SCFD2: variants seen among roughly 807,000 people sequenced by gnomAD.
SCFD2 encodes the protein sec1 family domain-containing protein 2.
Under a neutral mutation model 58.9 loss-of-function variants are expected in SCFD2, and 54 were observed. The ratio of observed to expected loss-of-function variants is 0.92; its 90% confidence interval spans 0.74 to 1.15. The LOEUF is 1.15. Ranked by LOEUF, SCFD2 falls within the 50% of genes most tolerant of loss-of-function variation. The probability of loss-of-function intolerance (pLI) is 0.00; values close to 1 mark genes in which losing one functional copy is unlikely to be tolerated. For synonymous variants in SCFD2, 321 were observed against 335.9 expected, an observed-to-expected ratio of 0.96 and a Z score of 0.49; for missense variants, 805 against 836.6, an observed-to-expected ratio of 0.96 and a Z score of 0.47.
intron 5 of SCFD2, among the ~76,000 whole-genome samples, chr4:53,011,463 A>G (rs1335459339): frequency 6.6e-6 from 1 of 152,220 alleles, no homozygotes; most frequent in Non-Finnish European, 1.5e-5. Flanking sequence ...AATATTAAAC[A>G]ACTACAGGGA....
intron 5 of SCFD2, among the ~76,000 whole-genome samples, chr4:53,136,185 C>T (rs528922719): frequency 3.9e-5 from 6 of 152,090 alleles, no homozygotes; most frequent in South Asian, 2.1e-4. Context: ...CCCAGGGATC[C>T]GTAAGCCAAA....
At chr4:53,100,811 AT>A (rs1724811698) in intron 5 of SCFD2, among the ~76,000 whole-genome samples, 1 of 152,296 alleles carries the variant, frequency 6.6e-6, no homozygotes, top group East Asian at 1.9e-4. Context: ...TTTTTAGTGA[AT>A]GTAGGATATA....
chr4:53,002,427 C>G (rs1287667324), intron 5 of SCFD2, among the ~76,000 whole-genome samples: 1 of 152,136 alleles, frequency 6.6e-6, no homozygotes, highest in African/African-American at 2.4e-5. Context: ...GGGTATCTTT[C>G]TTCCTACTAT....
intron 5 of SCFD2, among the ~76,000 whole-genome samples, chr4:53,089,896 T>C (rs1724422228): frequency 1.3e-5 from 2 of 152,168 alleles, no homozygotes; most frequent in Non-Finnish European, 1.5e-5. Context: ...TACAAACATA[T>C]TTCCCCTGCA....
intron 4 of SCFD2, among the ~76,000 whole-genome samples, chr4:53,194,258 G>T (rs890072831): frequency 5.3e-5 from 8 of 152,038 alleles, no homozygotes; most frequent in African/African-American, 1.9e-4. Flanking sequence ...AACGAATGCA[G>T]TTTTCTTTTC....
At chr4:53,250,514 T>G (rs186233319) in intron 4 of SCFD2, among the ~76,000 whole-genome samples, 112 of 152,196 alleles carry the variant, frequency 7.4e-4, no homozygotes, top group Middle Eastern at 6.8e-3. Flanking sequence ...CCTCAGCAAA[T>G]GTAAAAGAAC....
intron 5 of SCFD2, among the ~76,000 whole-genome samples, chr4:52,932,928 A>C (rs941664230): frequency 6.6e-6 from 1 of 152,154 alleles, no homozygotes; most frequent in African/African-American, 2.4e-5. Flanking sequence ...ATTAGTGTGT[A>C]GGTTAGGCAT....
rs1252547149 is a variant in SCFD2, at chr4:53,246,991, A to G, written c.1311+26835T>C. 5.5e-5 allele frequency among the ~76,000 whole-genome samples: 7 copies of G among 126,942 alleles called. No homozygotes were observed. In the Admixed American group the frequency reaches 5.8e-4, roughly 10 times the overall value. The allele number at this position is 126,942 out of a possible 152,430, so 83.3% of individuals were successfully genotyped here. Reference sequence around the variant, plus strand: ...CCAACATCTGTAAGGAACTTAAAAAATTTACAAAAAAAAAAAAAAAACTCC... The same window carrying G: ...CCAACATCTGTAAGGAACTTAAAAAGTTTACAAAAAAAAAAAAAAAACTCC... On this transcript the variant is annotated intron_variant, in intron 4 of 8. Transcript: ENST00000401642.
chr4:52,924,833 C>A (rs147845421), intron 5 of SCFD2, among the ~76,000 whole-genome samples: 3 of 152,156 alleles, frequency 2.0e-5, no homozygotes, highest in African/African-American at 7.2e-5. Context: ...GATTGCAGAC[C>A]TGAACTTCTC....
chr4:53,073,766 G>C (rs575562797), intron 5 of SCFD2, among the ~76,000 whole-genome samples: 1 of 152,228 alleles, frequency 6.6e-6, no homozygotes, highest in African/African-American at 2.4e-5. Flanking sequence ...TATATTCATA[G>C]TATGTTTTAG....
intron 5 of SCFD2, among the ~76,000 whole-genome samples, chr4:53,115,832 T>C (rs995055279): frequency 4.6e-5 from 7 of 152,208 alleles, no homozygotes; most frequent in African/African-American, 1.7e-4. Context: ...AACAATGCGA[T>C]GCCTGCTCCA....
intron 5 of SCFD2, among the ~76,000 whole-genome samples, chr4:52,946,302 A>T (rs908524478): frequency 6.6e-6 from 1 of 152,124 alleles, no homozygotes; most frequent in African/African-American, 2.4e-5. Flanking sequence ...TGCCAAAAAG[A>T]TCCTTAAGAT....
chr4:53,120,481 C>T (rs896730726), intron 5 of SCFD2, among the ~76,000 whole-genome samples: 2 of 152,198 alleles, frequency 1.3e-5, no homozygotes, highest in African/African-American at 4.8e-5. Flanking sequence ...CTATGAAGCC[C>T]TAGTCCTAAA....
At chr4:53,253,349 G>T (rs982624958) in intron 4 of SCFD2, among the ~76,000 whole-genome samples, 3 of 152,152 alleles carry the variant, frequency 2.0e-5, no homozygotes, top group Admixed American at 6.5e-5. Flanking sequence ...CAGGGATCTA[G>T]AACTAGAAAT....
intron 4 of SCFD2, among the ~76,000 whole-genome samples, chr4:53,179,745 T>G (rs1299690202): frequency 6.6e-6 from 1 of 152,128 alleles, no homozygotes; most frequent in Non-Finnish European, 1.5e-5. Context: ...TGTGCTGTAT[T>G]CAGGAACCCC....
intron 7 of SCFD2, among the ~76,000 whole-genome samples, chr4:52,888,066 G>A (rs915853163): frequency 2.0e-5 from 3 of 151,150 alleles, no homozygotes; most frequent in African/African-American, 4.9e-5. Flanking sequence ...GCCCGCCACC[G>A]CGCCCGGCTA....
intron 5 of SCFD2, among the ~76,000 whole-genome samples, chr4:52,935,460 T>C (rs954125636): frequency 6.6e-6 from 1 of 152,218 alleles, no homozygotes; most frequent in African/African-American, 2.4e-5. Flanking sequence ...AGTTTATCGA[T>C]TGTTGCTTGT....
At chr4:53,343,757 C>G (rs563334261) in intron 2 of SCFD2, among the ~76,000 whole-genome samples, 38 of 152,294 alleles carry the variant, frequency 2.5e-4, no homozygotes, top group African/African-American at 7.7e-4. Context: ...TATCCACCAT[C>G]ATCAAGTGGG....
intron 5 of SCFD2, among the ~76,000 whole-genome samples, chr4:53,036,817 A>G (rs1347497829): frequency 6.6e-6 from 1 of 152,194 alleles, no homozygotes; most frequent in African/African-American, 2.4e-5. Flanking sequence ...CATTCTGCAC[A>G]TGTATCCCAA....
Sources: allele counts gnomAD v4.1 joint callset (sites outside exome capture counted in the v4.1 genomes callset), GRCh38; gene constraint gnomAD v4.1.1; transcripts MANE v1.5; gene names NCBI Gene and HGNC (gene_info 2026-07-23, HGNC 2026-07-21).